The following JAKMIP3 variants were observed in gnomAD, a reference collection of about 807,000 sequenced individuals.
JAKMIP3 encodes the protein janus kinase and microtubule-interacting protein 3.
A neutral mutation model predicts 118.5 loss-of-function variants in JAKMIP3; 58 were observed. The observed-to-expected ratio is 0.49, with a 90% CI of 0.40 to 0.61. The LOEUF is 0.61. Among genes scored for constraint, JAKMIP3 ranks in the 20% least tolerant of loss-of-function variants. The pLI, the probability that JAKMIP3 is intolerant of heterozygous loss-of-function variation, is 0.00. For synonymous variants in JAKMIP3, 486 were observed against 451.2 expected, an observed-to-expected ratio of 1.08 and a Z score of -0.98; for missense variants, 950 against 1,109.0, an observed-to-expected ratio of 0.86 and a Z score of 2.04.
chr10:132,133,253 A>T (rs967838443), intron 3 of JAKMIP3, 59 bp from the exon 4 acceptor site: 2 of 1,402,476 alleles, frequency 1.4e-6, no homozygotes, highest in East Asian at 2.5e-5. Context: ...GCCCGTTTCT[A>T]TGGTAACTGC....
chr10:132,136,965 T>G, intron 6 of JAKMIP3, 54 bp from the exon 7 acceptor site: 1 of 1,584,506 alleles, frequency 6.3e-7, no homozygotes, highest in Middle Eastern at 1.7e-4. Flanking sequence ...CCCACTGTGT[T>G]CAGCCAGACC....
chr10:132,159,819 T>TG (rs1260331251), intron 19 of JAKMIP3, among the ~76,000 whole-genome samples: 4 of 32,372 alleles, frequency 1.2e-4, no homozygotes, highest in African/African-American at 4.4e-4. Context: ...TGTGTGATGC[T>TG]GGGGGGCCTC....
upstream of JAKMIP3, among the ~76,000 whole-genome samples, chr10:132,036,371 C>T (rs893901600): frequency 7.2e-5 from 11 of 152,230 alleles, no homozygotes; most frequent in Non-Finnish European, 1.5e-4. Flanking sequence ...GCAGCTCCCC[C>T]GTGCTGCGCA....
Position 132,140,494 on chromosome 10 carries a change from C to T in JAKMIP3, c.1388C>T (p.Ser463Phe). The T allele has an allele frequency of 6.2e-7, 1 of 1,613,864 alleles. No homozygotes were observed. Among genetic ancestry groups the T allele is most frequent in the Non-Finnish European group, 8.5e-7 (1 of 1,179,850 alleles). Residue 463 changes from serine (S) to phenylalanine (F), a missense_variant, in exon 10 of 24, where the codon TCC becomes TTC. Physicochemically the swap from Ser to Phe is radical, Grantham distance 155. Coordinates refer to ENST00000684848, the MANE Select transcript of JAKMIP3 (RefSeq NM_001323087.2). ...ETFFGYDEEA[S>F]LESDGSSVSY... ...TTCTTTGGATACGACGAAGAGGCTT[C>T]CCTGGAATCCGACGGCTCCTCCGTC...
intron 1 of JAKMIP3, among the ~76,000 whole-genome samples, chr10:132,071,763 G>A (rs1391078425): frequency 2.0e-5 from 3 of 151,650 alleles, no homozygotes; most frequent in Non-Finnish European, 2.9e-5. Context: ...TATTTAGAGT[G>A]GGTTTCTTCT....
upstream of JAKMIP3, among the ~76,000 whole-genome samples, chr10:132,065,529 A>G (rs989477118): frequency 6.6e-6 from 1 of 152,106 alleles, no homozygotes; most frequent in African/African-American, 2.4e-5. This position sits in a 1 kb window ranked among gnomAD's most constrained non-coding sequence, Gnocchi z 5.6. Context: ...TGGAGCAGCC[A>G]GGAAGCCGAG....
chr10:132,043,045 G>T (rs71480027), intron 1 of JAKMIP3, among the ~76,000 whole-genome samples: 1 of 151,926 alleles, frequency 6.6e-6, no homozygotes, highest in Admixed American at 6.6e-5. Context: ...AGTGAGCTGA[G>T]ATCACACCAC....
chr10:132,057,634 G>C (rs958695994), intron 1 of JAKMIP3, among the ~76,000 whole-genome samples: 1 of 152,248 alleles, frequency 6.6e-6, no homozygotes. Context: ...AGCCCTGCAC[G>C]TGTGTGTTCT....
At chr10:132,127,415 T>C (rs1433342620) in intron 3 of JAKMIP3, among the ~76,000 whole-genome samples, 1 of 151,182 alleles carries the variant, frequency 6.6e-6, no homozygotes, top group Non-Finnish European at 1.5e-5. Flanking sequence ...TGTGTGTGTG[T>C]GTGCGTGTGT....
At chr10:132,087,044 G>A (rs929917803) in intron 1 of JAKMIP3, among the ~76,000 whole-genome samples, 1 of 152,230 alleles carries the variant, frequency 6.6e-6, no homozygotes, top group African/African-American at 2.4e-5. Context: ...AGCAGTTCTT[G>A]TAGTGCTGGC....
At chr10:132,048,669 T>TTTTTC in intron 1 of JAKMIP3, among the ~76,000 whole-genome samples, 1 of 144,922 alleles carries the variant, frequency 6.9e-6, no homozygotes, top group Non-Finnish European at 1.5e-5. Flanking sequence ...TTTCTTTTCT[T>TTTTTC]TTTTTTTTTT....
At chr10:132,115,734 C>T (rs1006462859) in intron 2 of JAKMIP3, among the ~76,000 whole-genome samples, 19 of 152,138 alleles carry the variant, frequency 1.2e-4, no homozygotes, top group African/African-American at 3.9e-4. Flanking sequence ...AGAAAAATGT[C>T]GTTTCTAGTA....
intron 19 of JAKMIP3, among the ~76,000 whole-genome samples, chr10:132,162,360 G>A (rs1281061685): frequency 6.6e-6 from 1 of 152,262 alleles, no homozygotes; most frequent in African/African-American, 2.4e-5. Context: ...GCCACCATGA[G>A]GTTAATTCCA....
chr10:132,126,896 C>T (rs2049668453), intron 3 of JAKMIP3, among the ~76,000 whole-genome samples: 1 of 152,018 alleles, frequency 6.6e-6, no homozygotes, highest in African/African-American at 2.4e-5. Flanking sequence ...AGGATTTTTT[C>T]CCACTTTTTA....
intron 1 of JAKMIP3, among the ~76,000 whole-genome samples, chr10:132,054,683 C>A (rs952551977): frequency 6.8e-6 from 1 of 147,878 alleles, no homozygotes. Flanking sequence ...GATTTCAGAC[C>A]GGGCTAACAG....
chr10:132,104,701 C>A lies in JAKMIP3; in HGVS notation c.-108C>A. On this transcript the variant is annotated 5_prime_UTR_variant, in exon 2 of 24. Transcript: ENST00000684848. ...ATGAGAAGATGTAGTGTGACAGCAGCCCGGGTGACACCTGCTGGGAGCTTG... is the reference window on the plus strand; with the variant it reads ...ATGAGAAGATGTAGTGTGACAGCAGACCGGGTGACACCTGCTGGGAGCTTG... 8.8e-7 allele frequency: 1 copy of A among 1,138,350 alleles called. No homozygotes were observed. Among genetic ancestry groups the A allele is most frequent in the Non-Finnish European group, 1.3e-6 (1 of 794,344 alleles). 70.5% of individuals were successfully genotyped at this position (1,138,350 alleles called of 1,614,324 possible). A position where few individuals can be genotyped will look rare whatever the true frequency, so the allele number is the denominator to read the frequency against.
intron 12 of JAKMIP3, 108 bp from the exon 13 acceptor site, chr10:132,145,410 T>G: frequency 8.8e-7 from 1 of 1,140,024 alleles, no homozygotes; most frequent in Non-Finnish European, 1.3e-6. Flanking sequence ...GACGGGGCTT[T>G]GCCACGCTGG....
intron 4 of JAKMIP3, among the ~76,000 whole-genome samples, chr10:132,133,832 C>T (rs997567205): frequency 2.6e-5 from 4 of 152,246 alleles, no homozygotes; most frequent in Admixed American, 1.3e-4. Context: ...CTTGCTGGCC[C>T]GGAGTCCGGC....
chr10:132,119,211 G>A (rs181887438), intron 3 of JAKMIP3, among the ~76,000 whole-genome samples: 3 of 151,738 alleles, frequency 2.0e-5, no homozygotes, highest in South Asian at 2.1e-4. Context: ...TTGCAGCTAC[G>A]GGCAAGCTGG....
Sources: gnomAD v4.1 joint callset for allele counts (sites outside exome capture counted in the v4.1 genomes callset) on GRCh38, gnomAD v4.1.1 for gene constraint, Gnocchi (gnomAD v3.1) non-coding constraint, MANE v1.5 for transcripts, NCBI Gene and HGNC (gene_info 2026-07-23, HGNC 2026-07-21) for gene names.